Variants in RIMS3 observed in about 807,000 individuals in gnomAD.
The protein encoded by RIMS3 is regulating synaptic membrane exocytosis 3, also known as regulating synaptic membrane exocytosis protein 3.
RIMS3 carries 15 observed loss-of-function variants against 29.2 expected under a neutral mutation model. That is an observed-to-expected ratio of 0.51 (90% CI 0.34 to 0.79). The LOEUF is 0.79. Among genes scored for constraint, RIMS3 ranks in the 30% least tolerant of loss-of-function variants. RIMS3 has a pLI of 0.01. For synonymous variants in RIMS3, 161 were observed against 170.1 expected, an observed-to-expected ratio of 0.95 and a Z score of 0.41; for missense variants, 342 against 421.4, an observed-to-expected ratio of 0.81 and a Z score of 1.65.
At chr1:40,678,899 G>T in the RIMS3 span, among the ~76,000 whole-genome samples, 4 of 152,238 alleles carry the variant, frequency 2.6e-5, no homozygotes, top group Admixed American at 2.0e-4. Flanking sequence ...GAGGGAATTG[G>T]TGTCAGAGAA....
the RIMS3 span, among the ~76,000 whole-genome samples, chr1:40,673,619 T>C: frequency 6.6e-6 from 1 of 152,218 alleles, no homozygotes; most frequent in Non-Finnish European, 1.5e-5. Context: ...TGTGGCTTCC[T>C]CTGTTTACAG....
chr1:40,674,311 A>G, the RIMS3 span, among the ~76,000 whole-genome samples: 1 of 152,216 alleles, frequency 6.6e-6, no homozygotes, highest in Non-Finnish European at 1.5e-5. Flanking sequence ...GGTCCTAGTG[A>G]TGGTACAGTT....
intron 1 of RIMS3, among the ~76,000 whole-genome samples, chr1:40,659,223 A>G (rs910400515): frequency 6.6e-5 from 10 of 152,198 alleles, no homozygotes; most frequent in African/African-American, 2.2e-4. Context: ...AGATGCACAG[A>G]GACCCAAAAC....
the RIMS3 span, among the ~76,000 whole-genome samples, chr1:40,674,901 C>T: frequency 2.6e-5 from 4 of 152,146 alleles, no homozygotes; most frequent in Non-Finnish European, 5.9e-5. Flanking sequence ...ACAAAATGAA[C>T]TAAGACAACC....
At chr1:40,626,777 G>A (rs1235386582) in intron 7 of RIMS3, 48 bp from the exon 8 acceptor site, 24 of 1,571,000 alleles carry the variant, frequency 1.5e-5, no homozygotes, top group Non-Finnish European at 2.1e-5. Flanking sequence ...CCTGACTCCA[G>A]GACTGTGCAG....
rs1285724577 is a variant in RIMS3 at position 40,641,918 on chromosome 1, T to A, written c.8A>T (p.Asn3Ile). 6.2e-7 allele frequency: 1 copy of A among 1,613,376 alleles called. No homozygotes were observed. The highest frequency in any genetic ancestry group is 1.7e-5 in the Admixed American group (1 of 60,024). Residue 3 changes from asparagine (N) to isoleucine (I), a missense_variant, in exon 3 of 8, where the codon AAC (asparagine) becomes ATC (isoleucine). Coordinates refer to ENST00000372684, the MANE Select transcript of RIMS3 (RefSeq NM_014747.3). The part of the protein sequence containing the change: MF[N>I]GEPGPASSGA... Reference sequence around the variant, plus strand: ...AGATGAGGCAGGACCTGGCTCCCCGTTAAACATGGTCCCCGGGGTGGCAGG... The same window carrying A: ...AGATGAGGCAGGACCTGGCTCCCCGATAAACATGGTCCCCGGGGTGGCAGG...
the RIMS3 span, chr1:40,691,594 C>A: frequency 5.6e-6 from 2 of 354,890 alleles, no homozygotes; most frequent in South Asian, 3.7e-5. Context: ...CTCCCTCTGT[C>A]GTCGCCCCTT....
the RIMS3 span, among the ~76,000 whole-genome samples, chr1:40,688,051 G>T: frequency 1.3e-5 from 2 of 152,096 alleles, no homozygotes; most frequent in Admixed American, 1.3e-4. Context: ...TGCAACCTCT[G>T]CCTCCCAGGT....
intron 1 of RIMS3, among the ~76,000 whole-genome samples, chr1:40,662,295 T>A (rs1642363852): frequency 6.6e-6 from 1 of 152,068 alleles, no homozygotes. Flanking sequence ...CCCTTCCTCA[T>A]CCCTTCTTCG....
At chr1:40,685,295 AT>A in the RIMS3 span, among the ~76,000 whole-genome samples, 6 of 143,130 alleles carry the variant, frequency 4.2e-5, no homozygotes, top group Admixed American at 7.1e-5. Context: ...TAATATATAT[AT>A]TATATATATT....
chr1:40,682,961 G>C, the RIMS3 span, among the ~76,000 whole-genome samples: 1 of 151,806 alleles, frequency 6.6e-6, no homozygotes, highest in African/African-American at 2.4e-5. Context: ...GGCTGGTCTT[G>C]AACTCCTGAC....
the RIMS3 span, chr1:40,691,955 C>T: frequency 3.2e-6 from 1 of 317,118 alleles, no homozygotes; most frequent in South Asian, 2.3e-5. Flanking sequence ...TCGCCAGAGA[C>T]CTCACTTCCT....
At chr1:40,655,372 T>C (rs1346653581) in intron 1 of RIMS3, among the ~76,000 whole-genome samples, 4 of 152,008 alleles carry the variant, frequency 2.6e-5, no homozygotes, top group Admixed American at 2.6e-4. Context: ...AGGTCTCAAG[T>C]CCTGGCCTCA....
the RIMS3 span, among the ~76,000 whole-genome samples, chr1:40,675,184 A>G: frequency 1.5e-3 from 233 of 152,148 alleles, 1 homozygote; most frequent in Non-Finnish European, 2.8e-3. Context: ...TGGGAGGATC[A>G]TTTGAGCCTG....
At chr1:40,689,814 C>T in the RIMS3 span, among the ~76,000 whole-genome samples, 50,428 of 151,934 alleles carry the variant, frequency 0.33, 8,682 homozygotes, top group African/African-American at 0.38. Flanking sequence ...TACTGAAATA[C>T]TCTAGTACTA....
chr1:40,630,456 G>A (rs905260464), intron 5 of RIMS3, among the ~76,000 whole-genome samples: 5 of 152,158 alleles, frequency 3.3e-5, no homozygotes, highest in Admixed American at 2.6e-4. Context: ...AATCAAATGG[G>A]CCAGACTTTG....
At chr1:40,690,995 T>C in the RIMS3 span, 2 of 152,244 alleles carry the variant, frequency 1.3e-5, no homozygotes, top group African/African-American at 2.4e-5. Context: ...TTAACCTTTT[T>C]GAGCTTCAGT....
intron 1 of RIMS3, among the ~76,000 whole-genome samples, chr1:40,650,949 C>G (rs1445427791): frequency 6.6e-6 from 1 of 151,918 alleles, no homozygotes; most frequent in Non-Finnish European, 1.5e-5. Flanking sequence ...GCCCCCACCC[C>G]CATGATCTGG....
chr1:40,655,817 C>T lies in RIMS3; in HGVS notation c.-206-7975G>A, dbSNP rs115878312. On this transcript the variant is annotated intron_variant, in intron 1 of 7. Transcript: ENST00000372684. ...GTCAGGAGTTCAAGGCCAGCCTGGC[C>T]GATATGGTCAAACCCCGTCTGGATG... is the stretch of plus-strand genomic sequence containing the variant. Among the ~76,000 whole-genome samples the T allele has an allele frequency of 3.9e-3, 593 of 152,260 alleles. 3 individuals are homozygous for T. Among genetic ancestry groups the T allele is most frequent in the African/African-American group, 0.014 (567 of 41,544 alleles).
Sources: allele counts gnomAD v4.1 joint callset (sites outside exome capture counted in the v4.1 genomes callset), GRCh38; gene constraint gnomAD v4.1.1; transcripts MANE v1.5; gene names NCBI Gene and HGNC (gene_info 2026-07-23, HGNC 2026-07-21).